The following STARD9 variants were observed in gnomAD, a reference collection of about 807,000 sequenced individuals.
STARD9 encodes StAR related lipid transfer domain containing 9.
A neutral mutation model predicts 399.8 loss-of-function variants in STARD9; 346 were observed. The observed-to-expected ratio is 0.87, with a 90% confidence interval of 0.79 to 0.95. The LOEUF is 0.95. STARD9 is among the 40% of genes least tolerant of loss of function. STARD9 has a pLI of 0.00. For missense variants in STARD9, 5,832 were observed against 5,667.5 expected (o/e 1.03, Z -0.93); for synonymous variants, 2,203 against 2,143.5 (o/e 1.03, Z -0.77).
chr15:42,583,385 T>A lies in STARD9; in HGVS notation c.87T>A (p.Asp29Glu), dbSNP rs757322635. Residue 29 changes from aspartate (D) to glutamate (E), a missense_variant, in exon 2 of 33, where the codon GAT (aspartate) becomes GAA (glutamate). Physicochemically the swap from Asp to Glu is conservative, Grantham distance 45. Coordinates refer to ENST00000290607, the MANE Select transcript of STARD9 (RefSeq NM_020759.3). ...GGGGAAGAATTATTGTGGAAGTTGATGGCAAAGTGGCAAAAATCAGGAATT... is the reference window on the plus strand; with the variant it reads ...GGGGAAGAATTATTGTGGAAGTTGAAGGCAAAGTGGCAAAAATCAGGAATT... ...KEGGRIIVEV[D>E]GKVAKIRNLK... 3 of 1,537,046 alleles carry A rather than the reference T, an allele frequency of 2.0e-6. No homozygotes were observed. Among genetic ancestry groups the A allele is most frequent in the Non-Finnish European group, 2.6e-6 (3 of 1,146,774 alleles).
intron 7 of STARD9, among the ~76,000 whole-genome samples, chr15:42,640,308 G>A (rs547855726): frequency 4.6e-5 from 7 of 152,288 alleles, no homozygotes; most frequent in Non-Finnish European, 8.8e-5. Flanking sequence ...AATGGATGAC[G>A]CAATAGGTAT....
chr15:42,605,715 G>C (rs2058711258), intron 3 of STARD9, among the ~76,000 whole-genome samples: 1 of 152,182 alleles, frequency 6.6e-6, no homozygotes, highest in Non-Finnish European at 1.5e-5. Context: ...CGCTGAATTG[G>C]TGTCCGAGGA....
rs777829762 is a variant in STARD9, at chr15:42,597,990, GTA to G, written c.234+12363_234+12364del. 9.8e-3 allele frequency among the ~76,000 whole-genome samples: 1,263 copies of G among 129,292 alleles called. 45 individuals carry two copies. Among genetic ancestry groups the G allele is most frequent in the Middle Eastern group, 0.033 (8 of 242 alleles). 84.8% of individuals were successfully genotyped at this position (129,292 alleles called of 152,430 possible). On this transcript the variant is annotated intron_variant, in intron 3 of 32. Transcript: ENST00000290607. ...CCAGCCTGTGTGTGTGTGTGTGTTT[GTA>G]TATATATATGTGTGTGTGTGTGTGT...
At chr15:42,717,455 T>A (rs995480713) in intron 28 of STARD9, among the ~76,000 whole-genome samples, 11 of 151,898 alleles carry the variant, frequency 7.2e-5, no homozygotes, top group Non-Finnish European at 1.5e-4. Flanking sequence ...AGACCCTGTC[T>A]CTACCAAAAA....
At chr15:42,659,198 G>T (rs1386438286) in intron 9 of STARD9, among the ~76,000 whole-genome samples, 1 of 152,142 alleles carries the variant, frequency 6.6e-6, no homozygotes, top group East Asian at 1.9e-4. Flanking sequence ...TCTGATGGAG[G>T]AATTATATCC....
chr15:42,588,792 T>G (rs2058334602), intron 3 of STARD9, among the ~76,000 whole-genome samples: 3 of 23,206 alleles, frequency 1.3e-4, no homozygotes, highest in East Asian at 2.9e-3. Context: ...TTTTTTTTTT[T>G]TTTTTTTTTT....
At chr15:42,675,543 A>G (rs1210169009) in intron 18 of STARD9, 121 bp from the exon 19 acceptor site, 3 of 712,570 alleles carry the variant, frequency 4.2e-6, no homozygotes, top group African/African-American at 3.5e-5. Flanking sequence ...TATCTTATCA[A>G]CTCAGCAAAA....
chr15:42,687,917 G>A lies in STARD9; in HGVS notation c.6339G>A (p.Gln2113=), dbSNP rs1411873862. Residue 2113 remains glutamine (Q), a synonymous_variant, in exon 23 of 33, where the codon CAG becomes CAA. Coordinates refer to ENST00000290607, the MANE Select transcript of STARD9 (RefSeq NM_020759.3). Reference sequence around the variant, plus strand: ...GAAACCCTTTGCCCTCTAAGGATCAGCCATCTTCTCCAAGACAGACAGATG... The same window carrying A: ...GAAACCCTTTGCCCTCTAAGGATCAACCATCTTCTCCAAGACAGACAGATG... ...SSGNPLPSKD[Q]PSSPRQTDDT... The A allele has an allele frequency of 6.5e-7, 1 of 1,537,308 alleles. No homozygotes were observed. The highest frequency in any genetic ancestry group is 2.0e-5 in the Admixed American group (1 of 51,004).
In STARD9 at chr15:42,693,383, C is replaced by G. The variant is rs1341911782; in HGVS notation, c.11805C>G (p.Asp3935Glu). 2 of 1,537,182 alleles carry G rather than the reference C, an allele frequency of 1.3e-6. No homozygotes were observed. The highest frequency in any genetic ancestry group is 4.9e-5 in the East Asian group (2 of 40,916). Residue 3935 changes from aspartate (D) to glutamate (E), a missense_variant, in exon 23 of 33, where the codon GAC becomes GAG. Asp to Glu is a conservative substitution (Grantham distance 45). Transcript: ENST00000290607. Reference protein sequence around the residue: ...THPVEGHQKLDSSPDPVDAPR... With the variant: ...THPVEGHQKLESSPDPVDAPR... ...CTGTTGAAGGCCACCAGAAGCTTGA[C>G]TCCAGCCCAGACCCTGTTGATGCCC...
In STARD9 at chr15:42,686,016, C is replaced by T. The variant is rs1566936400; in HGVS notation, c.4438C>T (p.His1480Tyr). 1 of 1,537,334 alleles carries T rather than the reference C, an allele frequency of 6.5e-7. No individual in the cohort carries two copies. The highest frequency in any genetic ancestry group is 2.4e-5 in the East Asian group (1 of 40,918). The change falls in exon 23 of 33, where the codon CAT becomes TAT. Residue 1480 changes from histidine (H) to tyrosine (Y), a missense_variant. His to Tyr is a moderately conservative substitution (Grantham distance 83). Coordinates refer to ENST00000290607, the MANE Select transcript of STARD9 (RefSeq NM_020759.3). ...CACCTTGACTCATGTAGGCAGCACCCATGAAAGGGATTGGTCTGCCCTTCA... is the reference window on the plus strand; with the variant it reads ...CACCTTGACTCATGTAGGCAGCACCTATGAAAGGGATTGGTCTGCCCTTCA... ...ATTLTHVGST[H>Y]ERDWSALQQK...
intron 3 of STARD9, among the ~76,000 whole-genome samples, chr15:42,610,630 C>G (rs950489950): frequency 1.3e-5 from 2 of 152,142 alleles, no homozygotes; most frequent in African/African-American, 4.8e-5. Context: ...CTCACTGCAA[C>G]CTCCGCCGCC....
chr15:42,615,579 A>G (rs896441336), intron 3 of STARD9, among the ~76,000 whole-genome samples: 2 of 151,668 alleles, frequency 1.3e-5, no homozygotes, highest in Admixed American at 1.3e-4. Context: ...TAAAACCCAT[A>G]TTATATATAT....
chr15:42,605,177 A>G (rs1470282641), intron 3 of STARD9, among the ~76,000 whole-genome samples: 1 of 152,204 alleles, frequency 6.6e-6, no homozygotes. Context: ...AAATAGATAT[A>G]TGAATCATTT....
chr15:42,637,914 T>C lies in STARD9; in HGVS notation c.359T>C (p.Val120Ala). The change falls in exon 5 of 33, where the codon GTT becomes GCT. Residue 120 changes from valine to alanine, a missense_variant. Physicochemically the swap from Val to Ala is moderately conservative, Grantham distance 64. This residue lies in a region of STARD9 where 5,828 missense variants were observed against 5,651.1 expected (regional missense o/e 1.03). Coordinates refer to ENST00000290607, the MANE Select transcript of STARD9 (RefSeq NM_020759.3). The stretch of plus-strand genomic sequence containing the variant: ...CTTTCTTCTGTTCACCAGGCCTCTG[T>C]TGGGTTGACACCACGGATATGTGAG... ...TYTMLGTPAS[V>A]GLTPRICEGL... 1 of 1,537,270 alleles carries C rather than the reference T, an allele frequency of 6.5e-7. No homozygotes were observed. The highest frequency in any genetic ancestry group is 8.7e-7 in the Non-Finnish European group (1 of 1,146,902).
chr15:42,718,089 G>A lies in STARD9; in HGVS notation c.13672G>A (p.Ala4558Thr). 3 of 1,537,246 alleles carry A rather than the reference G, an allele frequency of 2.0e-6. No individual in the cohort carries two copies. The highest frequency in any genetic ancestry group is 1.7e-6 in the Non-Finnish European group (2 of 1,146,914). The change falls in exon 30 of 33, where the codon GCT (alanine) becomes ACT (threonine). Residue 4558 changes from alanine (A) to threonine (T), a missense_variant. Physicochemically the swap from Ala to Thr is moderately conservative, Grantham distance 58. Transcript: ENST00000290607. ...CCAGCCGCTGTCTCGTGTGTGGGCGGCTGTCAGTGACCCCACTGTGTGGCC... is the reference window on the plus strand; with the variant it reads ...CCAGCCGCTGTCTCGTGTGTGGGCGACTGTCAGTGACCCCACTGTGTGGCC... ...VSQPLSRVWA[A>T]VSDPTVWPLY...
intron 26 of STARD9, among the ~76,000 whole-genome samples, chr15:42,701,361 C>A (rs1441266479): frequency 6.6e-6 from 1 of 152,180 alleles, no homozygotes; most frequent in Non-Finnish European, 1.5e-5. Flanking sequence ...CAATATTCTT[C>A]CAATCCATGA....
At chr15:42,674,777 T>C in intron 17 of STARD9, 50 bp from the exon 18 acceptor site, 1 of 1,480,932 alleles carries the variant, frequency 6.8e-7, no homozygotes, top group South Asian at 1.4e-5. Context: ...ATGGAGAGGG[T>C]GTTTCCCTGC....
intron 3 of STARD9, among the ~76,000 whole-genome samples, chr15:42,632,571 C>A (rs1167447730): frequency 1.3e-5 from 2 of 152,036 alleles, no homozygotes; most frequent in Admixed American, 1.3e-4. Context: ...GTTTTAATTT[C>A]TTTTTATTTT....
chr15:42,588,136 G>C (rs1187920886), intron 3 of STARD9, among the ~76,000 whole-genome samples: 1 of 152,098 alleles, frequency 6.6e-6, no homozygotes, highest in East Asian at 1.9e-4. Flanking sequence ...TACATAAGAG[G>C]AATTAACTAT....
Sources: allele counts gnomAD v4.1 joint callset (sites outside exome capture counted in the v4.1 genomes callset), GRCh38; gene constraint gnomAD v4.1.1; regional missense constraint gnomAD v4.1.1; transcripts MANE v1.5; gene names NCBI Gene and HGNC (gene_info 2026-07-23, HGNC 2026-07-21).